Variants in MYO16 observed in about 807,000 individuals in gnomAD.
The protein encoded by MYO16 is unconventional myosin-XVI.
A neutral mutation model predicts 205.3 loss-of-function variants in MYO16; 94 were observed. The ratio of observed to expected loss-of-function variants is 0.46; its 90% CI spans 0.39 to 0.54. The LOEUF (loss-of-function observed/expected upper bound fraction) is 0.54, where lower values mean the gene tolerates loss of function less well. Among genes scored for constraint, MYO16 ranks in the 20% least tolerant of loss-of-function variants. MYO16 has a pLI of 0.00. For synonymous variants in MYO16, 988 were observed against 954.0 expected, an observed-to-expected ratio of 1.04 and a Z score of -0.66; for missense variants, 2,315 against 2,387.5, an observed-to-expected ratio of 0.97 and a Z score of 0.63.
At chr13:108,806,285 T>C (rs61968845) in intron 6 of MYO16, among the ~76,000 whole-genome samples, 27 of 152,204 alleles carry the variant, frequency 1.8e-4, no homozygotes, top group Non-Finnish European at 3.7e-4. Context: ...TGAATCACTT[T>C]CTATAGCACT....
chr13:108,774,608 C>T (rs1430093144), intron 4 of MYO16, among the ~76,000 whole-genome samples: 1 of 151,876 alleles, frequency 6.6e-6, no homozygotes, highest in Non-Finnish European at 1.5e-5. Flanking sequence ...CTATGTTGTA[C>T]AAATACAGCA....
intron 27 of MYO16, among the ~76,000 whole-genome samples, chr13:109,098,615 T>G (rs777277985): frequency 6.6e-6 from 1 of 152,168 alleles, no homozygotes; most frequent in Non-Finnish European, 1.5e-5. Context: ...TCCGTGCATC[T>G]CATCGATTTG....
chr13:108,765,299 A>G (rs1244424919), intron 4 of MYO16, among the ~76,000 whole-genome samples: 9 of 152,082 alleles, frequency 5.9e-5, no homozygotes, highest in Admixed American at 5.9e-4. Flanking sequence ...TTTTATATAC[A>G]TTTTTACTAC....
At chr13:109,069,260 A>G (rs1313496757) in intron 27 of MYO16, among the ~76,000 whole-genome samples, 1 of 152,208 alleles carries the variant, frequency 6.6e-6, no homozygotes, top group Admixed American at 6.5e-5. Flanking sequence ...TTGAAATCCC[A>G]AATCTGATTA....
At chr13:108,794,255 G>T (rs1162244279) in intron 6 of MYO16, among the ~76,000 whole-genome samples, 2 of 152,054 alleles carry the variant, frequency 1.3e-5, no homozygotes, top group Non-Finnish European at 2.9e-5. Flanking sequence ...GAAATAATCT[G>T]TACATCAAGC....
intron 23 of MYO16, among the ~76,000 whole-genome samples, chr13:109,023,684 TACATATATA>T (rs1886226473): frequency 7.7e-6 from 1 of 129,082 alleles, no homozygotes; most frequent in Non-Finnish European, 1.6e-5. Context: ...TATGTATATA[TACATATATA>T]TGTATATATG....
At chr13:109,168,666 A>T (rs1197894452) in intron 33 of MYO16, among the ~76,000 whole-genome samples, 1 of 152,206 alleles carries the variant, frequency 6.6e-6, no homozygotes, top group Non-Finnish European at 1.5e-5. Flanking sequence ...CGGAGTTTGC[A>T]GTGAGCCCTG....
At chr13:108,898,352 G>C (rs1228594340) in intron 15 of MYO16, among the ~76,000 whole-genome samples, 2 of 1,414 alleles carry the variant, frequency 1.4e-3, no homozygotes, top group African/African-American at 8.4e-3. Flanking sequence ...GGGTGTGTGA[G>C]TGTGTGTGTG....
chr13:108,971,755 G>T (rs1184483931), intron 20 of MYO16, among the ~76,000 whole-genome samples: 1 of 151,970 alleles, frequency 6.6e-6, no homozygotes, highest in Non-Finnish European at 1.5e-5. Context: ...GATTTCTCAT[G>T]AGTTAGTTAT....
At chr13:108,741,762 G>A (rs1427357408) in intron 4 of MYO16, among the ~76,000 whole-genome samples, 4 of 152,144 alleles carry the variant, frequency 2.6e-5, no homozygotes, top group Admixed American at 2.0e-4. Flanking sequence ...ACTTTTCTGA[G>A]TTTTAAGTAT....
At chr13:108,789,544 C>T (rs944045427) in intron 5 of MYO16, among the ~76,000 whole-genome samples, 1 of 152,168 alleles carries the variant, frequency 6.6e-6, no homozygotes, top group Non-Finnish European at 1.5e-5. Flanking sequence ...GGGTTACAGT[C>T]TGCATGACTA....
At chr13:109,088,510 G>A (rs1888512181) in intron 27 of MYO16, among the ~76,000 whole-genome samples, 1 of 152,016 alleles carries the variant, frequency 6.6e-6, no homozygotes, top group South Asian at 2.1e-4. Context: ...CTGCTTCCTG[G>A]TATTGCCTAA....
Position 108,864,458 on chromosome 13 carries a change from T to C in MYO16, c.1360-1719T>C, listed in dbSNP as rs371740537. Reference sequence around the variant, plus strand: ...CCTACTAGTGACTTCAGTATCTTTTTAATTAAAATAACCTATTTTAAAATT... The same window carrying C: ...CCTACTAGTGACTTCAGTATCTTTTCAATTAAAATAACCTATTTTAAAATT... On this transcript the variant is annotated intron_variant, in intron 11 of 34. Transcript: ENST00000457511. 5.9e-5 allele frequency among the ~76,000 whole-genome samples: 9 copies of C among 152,316 alleles called. No homozygotes were observed. In the South Asian group the frequency reaches 8.3e-4, roughly 14 times the overall value.
rs116828200 is a variant in MYO16, at chr13:108,980,186, T to C, written c.2370-12190T>C. On this transcript the variant is annotated intron_variant, in intron 20 of 34. Transcript: ENST00000457511. Reference sequence around the variant, plus strand: ...AATATTGAGAGCCACATAGTTTTAATAATAAAATGTATACGAAATGCAATG... The same window carrying C: ...AATATTGAGAGCCACATAGTTTTAACAATAAAATGTATACGAAATGCAATG... Among the ~76,000 whole-genome samples the C allele has an allele frequency of 2.0e-3, 298 of 152,312 alleles. 3 individuals are homozygous for C. The highest frequency in any genetic ancestry group is 7.0e-3 in the African/African-American group (289 of 41,558).
At chr13:109,014,808 GA>G (rs1216617079) in intron 22 of MYO16, among the ~76,000 whole-genome samples, 3 of 152,202 alleles carry the variant, frequency 2.0e-5, no homozygotes, top group Non-Finnish European at 4.4e-5. Context: ...TTTGCACATT[GA>G]TTTTGTATCC....
chr13:108,612,114 T>C (rs1206703855), intron 1 of MYO16, among the ~76,000 whole-genome samples: 1 of 152,138 alleles, frequency 6.6e-6, no homozygotes, highest in African/African-American at 2.4e-5. Flanking sequence ...CTTGAATCGC[T>C]TGTTGGCTTT....
chr13:109,135,240 TTGTG>T (rs1318468852), intron 31 of MYO16, among the ~76,000 whole-genome samples: 1 of 152,188 alleles, frequency 6.6e-6, no homozygotes. Flanking sequence ...TGGGTAGCAG[TTGTG>T]AACAAGAGCT....
chr13:109,139,096 A>G (rs1876914452), intron 31 of MYO16, among the ~76,000 whole-genome samples: 1 of 152,106 alleles, frequency 6.6e-6, no homozygotes, highest in East Asian at 1.9e-4. Flanking sequence ...CTGGGACTAC[A>G]AGTGCCCGCC....
At chr13:108,587,140 C>A in the MYO16 span, among the ~76,000 whole-genome samples, 1 of 152,048 alleles carries the variant, frequency 6.6e-6, no homozygotes, top group Non-Finnish European at 1.5e-5. Context: ...AGAAATGTAA[C>A]CTTGTGTGGG....
Sources: allele counts gnomAD v4.1 joint callset (sites outside exome capture counted in the v4.1 genomes callset), GRCh38; gene constraint gnomAD v4.1.1; transcripts MANE v1.5; gene names NCBI Gene and HGNC (gene_info 2026-07-23, HGNC 2026-07-21).